Variants in RBFOX1 observed in about 807,000 individuals in gnomAD.
The protein encoded by RBFOX1 is RNA binding protein fox-1 homolog 1.
In RBFOX1, 8 loss-of-function variants were observed where a neutral mutation model predicts 57.7. The ratio of observed to expected loss-of-function variants is 0.14; its 90% CI spans 0.08 to 0.25. RBFOX1 has a LOEUF of 0.25. Among genes scored for constraint, RBFOX1 ranks in the 10% least tolerant of loss-of-function variants. The pLI is 1.00. For missense variants in RBFOX1, 611 were observed against 548.5 expected (o/e 1.11, Z -1.14); for synonymous variants, 326 against 222.4 (o/e 1.47, Z -4.15).
chr16:7,705,043 CAAAAGAAAAAAAAAAA>C (rs2081991414), intron 14 of RBFOX1, among the ~76,000 whole-genome samples: 1 of 35,210 alleles, frequency 2.8e-5, no homozygotes, highest in Admixed American at 3.7e-4. Flanking sequence ...GACTCTGTCT[CAAAAGAAAAAAAAAAA>C]AAAAAGGCAG....
chr16:6,551,352 C>G (rs140482519), intron 2 of RBFOX1, among the ~76,000 whole-genome samples: 113 of 152,264 alleles, frequency 7.4e-4, no homozygotes, highest in African/African-American at 2.5e-3. Flanking sequence ...GCATCTCAGA[C>G]TAGTTATTCA....
intron 3 of RBFOX1, among the ~76,000 whole-genome samples, chr16:6,853,711 G>A (rs919038006): frequency 2.6e-5 from 4 of 152,126 alleles, no homozygotes; most frequent in Admixed American, 6.5e-5. Flanking sequence ...GGTTGGATTC[G>A]TTTACCAGTA....
intron 3 of RBFOX1, among the ~76,000 whole-genome samples, chr16:6,932,309 G>T (rs1156634765): frequency 6.6e-6 from 1 of 152,026 alleles, no homozygotes; most frequent in African/African-American, 2.4e-5. Context: ...GTTTCACCCT[G>T]TTGGCCAAGC....
intron 5 of RBFOX1, among the ~76,000 whole-genome samples, chr16:7,556,679 T>A (rs2088602347): frequency 6.6e-6 from 1 of 152,200 alleles, no homozygotes; most frequent in African/African-American, 2.4e-5. Flanking sequence ...CCCACTCTCC[T>A]ATCTGCTAGC....
At chr16:6,692,461 A>G (rs1050381423) in intron 3 of RBFOX1, among the ~76,000 whole-genome samples, 2 of 152,162 alleles carry the variant, frequency 1.3e-5, no homozygotes, top group African/African-American at 4.8e-5. Context: ...GAACATTGAA[A>G]TGTTTAACTA....
chr16:6,167,605 C>G (rs888219031), intron 1 of RBFOX1, among the ~76,000 whole-genome samples: 5 of 152,316 alleles, frequency 3.3e-5, no homozygotes, highest in Admixed American at 3.3e-4. Context: ...ATAGGAATTT[C>G]AGGAGACCAA....
intron 4 of RBFOX1, among the ~76,000 whole-genome samples, chr16:5,948,004 A>G (rs1286570195): frequency 6.6e-6 from 1 of 152,220 alleles, no homozygotes; most frequent in East Asian, 1.9e-4. Flanking sequence ...ATATGTTCAT[A>G]CATTTTCATG....
intron 5 of RBFOX1, among the ~76,000 whole-genome samples, chr16:7,558,191 T>TA (rs980203308): frequency 4.6e-5 from 7 of 151,956 alleles, no homozygotes; most frequent in African/African-American, 1.7e-4. Flanking sequence ...CCATATCCAC[T>TA]AAAAATACAA....
chr16:7,569,419 A>C (rs1471406454), intron 5 of RBFOX1, among the ~76,000 whole-genome samples: 1 of 152,040 alleles, frequency 6.6e-6, no homozygotes, highest in Admixed American at 6.6e-5. Flanking sequence ...CAAAATCAGT[A>C]ATGGTGGGTT....
chr16:6,871,714 G>A (rs1473517), intron 3 of RBFOX1, among the ~76,000 whole-genome samples: 32,425 of 151,994 alleles, frequency 0.21, 4,393 homozygotes, highest in Admixed American at 0.35. Flanking sequence ...CCATATACCA[G>A]AAAGAGTGAT....
intron 1 of RBFOX1, among the ~76,000 whole-genome samples, chr16:5,386,279 G>T (rs560969453): frequency 4.8e-4 from 73 of 152,010 alleles, no homozygotes; most frequent in Non-Finnish European, 5.6e-4. Flanking sequence ...ATAGAGCTGG[G>T]ACTGGGCTTC....
At chr16:6,901,316 C>T (rs893289614) in intron 3 of RBFOX1, among the ~76,000 whole-genome samples, 1 of 152,180 alleles carries the variant, frequency 6.6e-6, no homozygotes, top group Non-Finnish European at 1.5e-5. Context: ...TTTAGCAACA[C>T]GGCAAGTCAA....
intron 2 of RBFOX1, among the ~76,000 whole-genome samples, chr16:6,441,756 G>C (rs558009219): frequency 1.8e-4 from 27 of 152,186 alleles, no homozygotes; most frequent in Non-Finnish European, 3.1e-4. Context: ...CTGTCTTCAC[G>C]TAGCCAGGAT....
At chr16:6,635,889 T>G (rs988077789) in intron 2 of RBFOX1, among the ~76,000 whole-genome samples, 6 of 152,140 alleles carry the variant, frequency 3.9e-5, no homozygotes, top group Non-Finnish European at 8.8e-5. Flanking sequence ...ATTTTGGATT[T>G]CAGATTTCTT....
chr16:7,530,738 A>C (rs569846393), intron 5 of RBFOX1, among the ~76,000 whole-genome samples: 10 of 152,334 alleles, frequency 6.6e-5, no homozygotes, highest in Non-Finnish European at 1.0e-4. Flanking sequence ...AGCTAGGTCC[A>C]AGTGACTGTA....
intron 3 of RBFOX1, among the ~76,000 whole-genome samples, chr16:5,706,609 C>A (rs980498649): frequency 2.6e-5 from 4 of 152,168 alleles, no homozygotes; most frequent in African/African-American, 7.2e-5. Flanking sequence ...ATAATTAAAT[C>A]TTGCATTGTT....
chr16:7,245,015 A>G (rs35842576), intron 4 of RBFOX1, among the ~76,000 whole-genome samples: 1 of 152,288 alleles, frequency 6.6e-6, no homozygotes, highest in African/African-American at 2.4e-5. Context: ...CCTCAGCTGC[A>G]TACCATTTTC....
At chr16:7,356,097 T>C (rs899753200) in intron 4 of RBFOX1, among the ~76,000 whole-genome samples, 9 of 152,344 alleles carry the variant, frequency 5.9e-5, no homozygotes, top group African/African-American at 1.2e-4. Context: ...AATGCATTGA[T>C]TGACGCATTG....
At chr16:5,734,409 G>C (rs1415288532) in intron 3 of RBFOX1, among the ~76,000 whole-genome samples, 1 of 152,166 alleles carries the variant, frequency 6.6e-6, no homozygotes, top group Non-Finnish European at 1.5e-5. Flanking sequence ...GCCTGGGCAA[G>C]AGAACAAGAT....
Sources: gnomAD v4.1 joint callset for allele counts (sites outside exome capture counted in the v4.1 genomes callset) on GRCh38, gnomAD v4.1.1 for gene constraint, MANE v1.5 for transcripts, NCBI Gene and HGNC (gene_info 2026-07-23, HGNC 2026-07-21) for gene names.